The following TMEM108 variants were observed in gnomAD, a reference collection of about 807,000 sequenced individuals.
TMEM108 encodes transmembrane protein 108.
In TMEM108, 12 loss-of-function variants were observed where a neutral mutation model predicts 35.1. That is an observed-to-expected ratio of 0.34 (90% CI 0.22 to 0.55). The LOEUF (loss-of-function observed/expected upper bound fraction) is 0.55, where lower values mean the gene tolerates loss of function less well. Ranked by LOEUF, TMEM108 falls within the 20% of genes least tolerant of loss-of-function variation. TMEM108 has a pLI of 0.89. For missense variants in TMEM108, 680 were observed against 753.3 expected, an observed-to-expected ratio of 0.90 and a Z score of 1.14; for synonymous variants, 287 against 308.6, an observed-to-expected ratio of 0.93 and a Z score of 0.73.
chr3:133,263,113 TAG>T (rs1946648494), intron 3 of TMEM108, among the ~76,000 whole-genome samples: 1 of 152,150 alleles, frequency 6.6e-6, no homozygotes. Flanking sequence ...CCAGGTGAGG[TAG>T]AGACCATATG....
chr3:133,042,410 T>C (rs528341401), intron 1 of TMEM108, among the ~76,000 whole-genome samples: 6 of 152,330 alleles, frequency 3.9e-5, no homozygotes, highest in African/African-American at 1.4e-4. Context: ...ATTAATGCCA[T>C]CTTATTATGT....
chr3:133,378,067 G>A (rs1161641366), intron 3 of TMEM108, among the ~76,000 whole-genome samples: 1 of 152,192 alleles, frequency 6.6e-6, no homozygotes, highest in Non-Finnish European at 1.5e-5. Flanking sequence ...TTTGTCCCTG[G>A]TGCCAAAAAG....
chr3:133,201,282 A>G (rs1014037905), intron 2 of TMEM108, among the ~76,000 whole-genome samples: 1 of 151,914 alleles, frequency 6.6e-6, no homozygotes, highest in Admixed American at 6.6e-5. Context: ...TTAGACCTGA[A>G]TTTTAGACCT....
In TMEM108 at chr3:133,305,024, G is replaced by A. The variant is rs577898194; in HGVS notation, c.41-74728G>A. Among the ~76,000 whole-genome samples, 290 of 152,068 alleles carry A rather than the reference G, an allele frequency of 1.9e-3. 4 individuals carry two copies. Among genetic ancestry groups the A allele is most frequent in the African/African-American group, 6.6e-3 (273 of 41,454 alleles). On this transcript the variant is annotated intron_variant, in intron 3 of 5. Coordinates refer to ENST00000321871, the MANE Select transcript of TMEM108 (RefSeq NM_023943.4). Reference sequence around the variant, plus strand: ...CTTGAGCCTGGGAGGCAGAGATTACGGTAAGCCAAGATCGCACCACTGCAC... The same window carrying A: ...CTTGAGCCTGGGAGGCAGAGATTACAGTAAGCCAAGATCGCACCACTGCAC...
chr3:133,362,963 C>T (rs1266776288), intron 3 of TMEM108, among the ~76,000 whole-genome samples: 1 of 152,154 alleles, frequency 6.6e-6, no homozygotes, highest in African/African-American at 2.4e-5. Context: ...GGGACCCAGC[C>T]GGGCCAGAGG....
At chr3:133,372,067 G>C (rs1337573877) in intron 3 of TMEM108, among the ~76,000 whole-genome samples, 1 of 152,214 alleles carries the variant, frequency 6.6e-6, no homozygotes, top group Non-Finnish European at 1.5e-5. Flanking sequence ...GTACCAAGTT[G>C]AATCAAATGA....
intron 2 of TMEM108, among the ~76,000 whole-genome samples, chr3:133,215,903 A>G (rs1012866552): frequency 1.3e-5 from 2 of 152,114 alleles, no homozygotes; most frequent in Non-Finnish European, 1.5e-5. Flanking sequence ...CATTTGTTAA[A>G]TGCTTATATT....
chr3:133,160,229 C>T (rs962676302), intron 2 of TMEM108, among the ~76,000 whole-genome samples: 8 of 152,164 alleles, frequency 5.3e-5, no homozygotes, highest in South Asian at 2.1e-4. Flanking sequence ...TTCTAGAAAG[C>T]GGCGCTGCTG....
intron 2 of TMEM108, among the ~76,000 whole-genome samples, chr3:133,203,230 A>G (rs113165422): frequency 0.015 from 2,280 of 152,310 alleles, 78 homozygotes; most frequent in African/African-American, 0.051. Context: ...CAATCATGTC[A>G]TCTGCAAACA....
chr3:133,094,449 T>C (rs1031129846), intron 2 of TMEM108, among the ~76,000 whole-genome samples: 6 of 152,096 alleles, frequency 3.9e-5, no homozygotes, highest in African/African-American at 1.4e-4. Flanking sequence ...CACAAAATTA[T>C]ACTTTCAGAA....
At chr3:133,179,444 G>A (rs1945294126) in intron 2 of TMEM108, among the ~76,000 whole-genome samples, 1 of 152,084 alleles carries the variant, frequency 6.6e-6, no homozygotes, top group Non-Finnish European at 1.5e-5. Context: ...AAGAAAATGT[G>A]GCACATATAC....
chr3:133,179,664 G>T (rs1945299845), intron 2 of TMEM108, among the ~76,000 whole-genome samples: 1 of 152,012 alleles, frequency 6.6e-6, no homozygotes, highest in African/African-American at 2.4e-5. Context: ...TGTGGGGTGG[G>T]GGGAGTGGGG....
intron 3 of TMEM108, among the ~76,000 whole-genome samples, chr3:133,279,594 G>A (rs1946884773): frequency 6.6e-6 from 1 of 152,196 alleles, no homozygotes; most frequent in African/African-American, 2.4e-5. Context: ...TCAAAGGCAG[G>A]AATTGAGGGG....
chr3:133,286,902 T>C (rs1946993417), intron 3 of TMEM108, among the ~76,000 whole-genome samples: 1 of 152,202 alleles, frequency 6.6e-6, no homozygotes, highest in South Asian at 2.1e-4. Flanking sequence ...TGAGTTGGAT[T>C]GGTTTGATTT....
intron 1 of TMEM108, among the ~76,000 whole-genome samples, chr3:133,040,126 T>C (rs1360127519): frequency 6.6e-6 from 1 of 152,058 alleles, no homozygotes; most frequent in Non-Finnish European, 1.5e-5. Flanking sequence ...ATATAGGTTG[T>C]CACCTGATAG....
chr3:133,248,979 G>A (rs891127223), intron 3 of TMEM108, among the ~76,000 whole-genome samples: 2 of 152,170 alleles, frequency 1.3e-5, no homozygotes, highest in Non-Finnish European at 2.9e-5. Flanking sequence ...TGGTCACTGA[G>A]GGGGTTATCA....
chr3:133,109,229 T>C (rs1209950697), intron 2 of TMEM108, among the ~76,000 whole-genome samples: 1 of 152,140 alleles, frequency 6.6e-6, no homozygotes, highest in Non-Finnish European at 1.5e-5. Context: ...TCACACAGCT[T>C]TCTTGCCCAT....
In TMEM108 at chr3:133,251,367, T is replaced by G. The variant is rs113890136; in HGVS notation, c.40+22016T>G. 8.0e-4 allele frequency among the ~76,000 whole-genome samples: 122 copies of G among 152,280 alleles called. 1 individual carries two copies. The highest frequency in any genetic ancestry group is 2.9e-3 in the African/African-American group (119 of 41,578). Reference sequence around the variant, plus strand: ...TTACTATAAAAGACACTGCAGAGGTTATAATATGTTAAGATAAGGTCTCTA... The same window carrying G: ...TTACTATAAAAGACACTGCAGAGGTGATAATATGTTAAGATAAGGTCTCTA... On this transcript the variant is annotated intron_variant, in intron 3 of 5. Coordinates refer to ENST00000321871, the MANE Select transcript of TMEM108 (RefSeq NM_023943.4).
intron 3 of TMEM108, among the ~76,000 whole-genome samples, chr3:133,315,854 A>G (rs1473290455): frequency 2.6e-5 from 4 of 152,258 alleles, no homozygotes; most frequent in Admixed American, 2.0e-4. Context: ...TTAACATTAA[A>G]TGAGTAAGGA....
Sources: allele counts gnomAD v4.1 joint callset (sites outside exome capture counted in the v4.1 genomes callset), GRCh38; gene constraint gnomAD v4.1.1; transcripts MANE v1.5; gene names NCBI Gene and HGNC (gene_info 2026-07-23, HGNC 2026-07-21).